Variants in MED21 observed in about 807,000 individuals in gnomAD.
The protein encoded by MED21 is mediator complex subunit 21.
Under a neutral mutation model 18.2 loss-of-function variants are expected in MED21, and 9 were observed. The observed-to-expected ratio is 0.49, with a 90% CI of 0.30 to 0.86. The LOEUF (loss-of-function observed/expected upper bound fraction) is 0.86, where lower values mean the gene tolerates loss of function less well. Ranked by LOEUF, MED21 falls within the 40% of genes least tolerant of loss-of-function variation. The probability of loss-of-function intolerance (pLI) is 0.07; values close to 1 mark genes in which losing one functional copy is unlikely to be tolerated. For synonymous variants in MED21, 73 were observed against 60.5 expected, an observed-to-expected ratio of 1.21 and a Z score of -0.96; for missense variants, 150 against 170.9, an observed-to-expected ratio of 0.88 and a Z score of 0.68.
In MED21 at chr12:27,030,348, T is replaced by G. The variant is rs1412609414; in HGVS notation, c.*1887T>G. 1 of 437,744 alleles carries G rather than the reference T, an allele frequency of 2.3e-6. No homozygotes were observed. Among genetic ancestry groups the G allele is most frequent in the African/African-American group, 2.0e-5 (1 of 50,354 alleles). The allele number at this position is 437,744 out of a possible 1,614,324, so 27.1% of individuals were successfully genotyped here. ...TGGGGTCTCACTCTGTTGCCCAGGC[T>G]AATGCCAAACTGCTAACCTCAAGAT... On this transcript the variant is annotated 3_prime_UTR_variant, in exon 4 of 4. Coordinates refer to ENST00000282892, the MANE Select transcript of MED21 (RefSeq NM_004264.5).
At chr12:27,027,300 A>G (rs777261087) in intron 2 of MED21, 47 bp from the exon 3 acceptor site, 5 of 1,386,668 alleles carry the variant, frequency 3.6e-6, no homozygotes, top group Non-Finnish European at 5.0e-6. Flanking sequence ...TTGTTTCTGA[A>G]AACTTGAGGT....
Position 27,026,475 on chromosome 12 carries a change from C to T in MED21, c.98C>T (p.Ala33Val). 6.2e-7 allele frequency: 1 copy of T among 1,613,932 alleles called. No individual in the cohort carries two copies. The highest frequency in any genetic ancestry group is 2.2e-5 in the East Asian group (1 of 44,812). The change falls in exon 2 of 4, where the codon GCC becomes GTC. Residue 33 changes from alanine to valine, a missense_variant. Ala to Val is a moderately conservative substitution (Grantham distance 64, BLOSUM62 0). Transcript: ENST00000282892. Reference sequence around the variant, plus strand: ...GTATTGCAGCAATGTGGTCCTCCTGCCTCTTTCAATAATATTCAGACAGCA... The same window carrying T: ...GTATTGCAGCAATGTGGTCCTCCTGTCTCTTTCAATAATATTCAGACAGCA... ...IGVLQQCGPPASFNNIQTAIN... is the reference protein window; with the variant it reads ...IGVLQQCGPPVSFNNIQTAIN...
chr12:27,034,384 T>C (rs1360217078), downstream of MED21, among the ~76,000 whole-genome samples: 2 of 152,114 alleles, frequency 1.3e-5, no homozygotes, highest in African/African-American at 4.8e-5. Context: ...ATCACGCCAT[T>C]GCACTCCAGC....
rs144222775 is a variant in MED21 at position 27,030,122 on chromosome 12, G to GTTT, written c.*1668_*1670dup. ...TGTGATTCTCTGTAGAGGATATACAGTTTTTTTTTGTTGTTCTTGTTTCTG... is the reference window on the plus strand; with the variant it reads ...TGTGATTCTCTGTAGAGGATATACAGTTTTTTTTTTTTGTTGTTCTTGTTTCTG... On this transcript the variant is annotated 3_prime_UTR_variant, in exon 4 of 4. Transcript: ENST00000282892. The GTTT allele has an allele frequency of 3.8e-3, 2,270 of 602,544 alleles. No individual in the cohort carries two copies. Among genetic ancestry groups the GTTT allele is most frequent in the Non-Finnish European group, 4.9e-3 (1,619 of 331,052 alleles). 37.3% of individuals were successfully genotyped at this position (602,544 alleles called of 1,614,324 possible). A position where few individuals can be genotyped will look rare whatever the true frequency, so the allele number is the denominator to read the frequency against.
At chr12:27,038,313 G>A (rs1261719111) in intron 2 of MED21, 1 of 150,688 alleles carries the variant, frequency 6.6e-6, no homozygotes, top group Non-Finnish European at 1.5e-5. Context: ...TAAATAATAA[G>A]GATTCAGGAA....
chr12:27,027,512 T>G (rs1231800901), intron 3 of MED21, 65 bp downstream of exon 3: 1 of 1,155,690 alleles, frequency 8.7e-7, no homozygotes, highest in Non-Finnish European at 1.3e-6. Context: ...GGAGGTAGAT[T>G]TAGTACCTTT....
At chr12:27,025,794 A>T (rs1941537051) in intron 1 of MED21, among the ~76,000 whole-genome samples, 1 of 152,192 alleles carries the variant, frequency 6.6e-6, no homozygotes, top group Non-Finnish European at 1.5e-5. Flanking sequence ...AGATAGGTGT[A>T]TTTAATTTGG....
Position 27,028,543 on chromosome 12 carries a change from A to G in MED21, c.*82A>G. The G allele has an allele frequency of 2.0e-6, 3 of 1,490,300 alleles. No individual in the cohort carries two copies. Among genetic ancestry groups the G allele is most frequent in the Non-Finnish European group, 2.7e-6 (3 of 1,115,376 alleles). 92.3% of individuals were successfully genotyped at this position (1,490,300 alleles called of 1,614,324 possible). On this transcript the variant is annotated 3_prime_UTR_variant, in exon 4 of 4. Transcript: ENST00000282892. ...TGCATCAGACTTAGATACAAGCCTT[A>G]CCAACAATTACAGAAACATTAAACA... is the stretch of plus-strand genomic sequence containing the variant.
At chr12:27,024,306 T>C in intron 1 of MED21, among the ~76,000 whole-genome samples, 1 of 151,362 alleles carries the variant, frequency 6.6e-6, no homozygotes, top group Admixed American at 6.6e-5. Context: ...TTTTTTTTCC[T>C]CACTGTAAGC....
chr12:27,036,414 T>C (rs1163083559), intron 2 of MED21, among the ~76,000 whole-genome samples: 1 of 152,232 alleles, frequency 6.6e-6, no homozygotes, highest in African/African-American at 2.4e-5. Context: ...TGGTAGTTTC[T>C]TTTGCTGTGC....
downstream of MED21, among the ~76,000 whole-genome samples, chr12:27,035,069 G>T (rs1941640879): frequency 6.6e-6 from 1 of 152,102 alleles, no homozygotes; most frequent in South Asian, 2.1e-4. Context: ...CTCTTAATTA[G>T]CCCGGTTTGG....
chr12:27,032,212 G>A (rs762777434), downstream of MED21, among the ~76,000 whole-genome samples: 2 of 152,154 alleles, frequency 1.3e-5, no homozygotes, highest in African/African-American at 2.4e-5. Flanking sequence ...GAAAAGCTTC[G>A]TGATGTCTTT....
Position 27,029,788 on chromosome 12 carries a change from G to T in MED21, c.*1327G>T, listed in dbSNP as rs1251411155. 1.1e-5 allele frequency: 11 copies of T among 988,584 alleles called. No individual in the cohort carries two copies. Among genetic ancestry groups the T allele is most frequent in the Non-Finnish European group, 9.6e-6 (8 of 831,802 alleles). The allele number at this position is 988,584 out of a possible 1,614,324, so 61.2% of individuals were successfully genotyped here. ...ATCTGTACTCTTCATTATAGTTTTG[G>T]GGGGAGAGAAGATTCAGTCAGAAAA... On this transcript the variant is annotated 3_prime_UTR_variant, in exon 4 of 4. Coordinates refer to ENST00000282892, the MANE Select transcript of MED21 (RefSeq NM_004264.5).
rs1941602374 is a variant in MED21 at position 27,030,260 on chromosome 12, A to G, written c.*1799A>G. On this transcript the variant is annotated 3_prime_UTR_variant, in exon 4 of 4. Coordinates refer to ENST00000282892, the MANE Select transcript of MED21 (RefSeq NM_004264.5). ...TCCTCCCACTTCAGCCTCTTCAGTAACTGGGACTACAGGCATGTACTACCA... is the reference window on the plus strand; with the variant it reads ...TCCTCCCACTTCAGCCTCTTCAGTAGCTGGGACTACAGGCATGTACTACCA... 1 of 589,130 alleles carries G rather than the reference A, an allele frequency of 1.7e-6. No individual in the cohort carries two copies. The highest frequency in any genetic ancestry group is 2.7e-5 in the Admixed American group (1 of 36,880). 36.5% of individuals were successfully genotyped at this position (589,130 alleles called of 1,614,324 possible).
chr12:27,028,650 A>C lies in MED21; in HGVS notation c.*189A>C. On this transcript the variant is annotated 3_prime_UTR_variant, in exon 4 of 4. Coordinates refer to ENST00000282892, the MANE Select transcript of MED21 (RefSeq NM_004264.5). ...AAGCTTATAAAATCATGATTGAATCAGCTTTAAAGCATCATACCATCATTT... is the reference window on the plus strand; with the variant it reads ...AAGCTTATAAAATCATGATTGAATCCGCTTTAAAGCATCATACCATCATTT... 7.9e-7 allele frequency: 1 copy of C among 1,266,374 alleles called. No homozygotes were observed. The highest frequency in any genetic ancestry group is 1.5e-5 in the African/African-American group (1 of 66,898). 78.4% of individuals were successfully genotyped at this position (1,266,374 alleles called of 1,614,324 possible). A position where few individuals can be genotyped will look rare whatever the true frequency, so the allele number is the denominator to read the frequency against.
downstream of MED21, among the ~76,000 whole-genome samples, chr12:27,030,991 T>C (rs966700695): frequency 1.3e-5 from 2 of 152,242 alleles, no homozygotes; most frequent in African/African-American, 2.4e-5. Context: ...CACCGCAACC[T>C]CAGCTTCTCG....
At position 27,029,847 on chromosome 12, in the gene MED21, C is replaced by A; in HGVS notation, c.*1386C>A. On this transcript the variant is annotated 3_prime_UTR_variant, in exon 4 of 4. Transcript: ENST00000282892. ...AAGTACCTAAGTATTATAAAGGAGT[C>A]AAAAAGGTACAAAGAGAAAAGGTCA... The A allele has an allele frequency of 1.0e-6, 1 of 1,002,636 alleles. No homozygotes were observed. The highest frequency in any genetic ancestry group is 1.2e-6 in the Non-Finnish European group (1 of 836,352). The allele number at this position is 1,002,636 out of a possible 1,614,324, so 62.1% of individuals were successfully genotyped here.
downstream of MED21, among the ~76,000 whole-genome samples, chr12:27,031,327 A>C (rs1941617763): frequency 8.5e-5 from 13 of 152,112 alleles, no homozygotes; most frequent in Admixed American, 4.6e-4. Context: ...TAATGAAGAG[A>C]GTGTCCTCTG....
In MED21 at chr12:27,022,573, T is replaced by C. The variant is rs752001300; in HGVS notation, c.-7T>C. The C allele has an allele frequency of 1.3e-6, 2 of 1,542,942 alleles. No homozygotes were observed. Among genetic ancestry groups the C allele is most frequent in the Admixed American group, 3.9e-5 (2 of 51,392 alleles). Reference sequence around the variant, plus strand: ...CTGTTTTGGCGTCTGTTTGCTGCGGTAGGAACATGGCGGATCGGCTCACGC... The same window carrying C: ...CTGTTTTGGCGTCTGTTTGCTGCGGCAGGAACATGGCGGATCGGCTCACGC... On this transcript the variant is annotated 5_prime_UTR_variant, in exon 1 of 4. Transcript: ENST00000282892.
Sources: allele counts gnomAD v4.1 joint callset (sites outside exome capture counted in the v4.1 genomes callset), GRCh38; gene constraint gnomAD v4.1.1; transcripts MANE v1.5; gene names NCBI Gene and HGNC (gene_info 2026-07-23, HGNC 2026-07-21).